Variants in TRAK1 observed in about 807,000 individuals in gnomAD.
TRAK1 encodes trafficking kinesin protein 1.
A neutral mutation model predicts 92.1 loss-of-function variants in TRAK1; 33 were observed. The observed-to-expected ratio is 0.36, with a 90% CI of 0.27 to 0.48. The LOEUF is 0.48. Among genes scored for constraint, TRAK1 ranks in the 20% least tolerant of loss-of-function variants. TRAK1 has a pLI of 0.99. For synonymous variants in TRAK1, 521 were observed against 517.3 expected, an observed-to-expected ratio of 1.01 and a Z score of -0.10; for missense variants, 1,123 against 1,257.9, an observed-to-expected ratio of 0.89 and a Z score of 1.62.
intron 2 of TRAK1, among the ~76,000 whole-genome samples, chr3:42,155,776 G>A (rs1350786815): frequency 2.0e-5 from 3 of 152,280 alleles, no homozygotes; most frequent in African/African-American, 4.8e-5. Context: ...TAGTGTGACT[G>A]GTTTTTAAAC....
At chr3:42,183,811 A>G (rs990073666) in intron 3 of TRAK1, among the ~76,000 whole-genome samples, 4 of 152,154 alleles carry the variant, frequency 2.6e-5, no homozygotes, top group African/African-American at 9.7e-5. Flanking sequence ...CCAAAACCCA[A>G]GTTGAATCTG....
intron 1 of TRAK1, among the ~76,000 whole-genome samples, chr3:42,021,812 A>G (rs560845695): frequency 1.3e-5 from 2 of 152,094 alleles, no homozygotes; most frequent in African/African-American, 4.8e-5. Context: ...CTGGTCAGTT[A>G]TCCACCTGCC....
At chr3:42,040,283 CTATT>C (rs1221910465) in intron 1 of TRAK1, among the ~76,000 whole-genome samples, 4 of 152,082 alleles carry the variant, frequency 2.6e-5, no homozygotes, top group Admixed American at 6.5e-5. Flanking sequence ...AGAGTTGCTA[CTATT>C]TATTTATTAA....
chr3:42,024,786 C>T (rs1013862337), intron 1 of TRAK1, among the ~76,000 whole-genome samples: 1 of 152,170 alleles, frequency 6.6e-6, no homozygotes, highest in East Asian at 1.9e-4. Context: ...TGAAATGTGG[C>T]GTTCTTTGTC....
At chr3:42,152,801 C>T (rs1453859987) in intron 2 of TRAK1, among the ~76,000 whole-genome samples, 1 of 152,144 alleles carries the variant, frequency 6.6e-6, no homozygotes, top group African/African-American at 2.4e-5. Flanking sequence ...GTTAAAGAAA[C>T]AGCCCTCTTT....
At chr3:42,075,423 A>G (rs1016354202) in intron 1 of TRAK1, among the ~76,000 whole-genome samples, 4 of 150,954 alleles carry the variant, frequency 2.6e-5, no homozygotes, top group Admixed American at 6.6e-5. Context: ...CTCAAGTGCT[A>G]TTGTGAAGAG....
upstream of TRAK1, among the ~76,000 whole-genome samples, chr3:42,089,674 G>GCCCCC (rs765250539): frequency 1.6e-4 from 14 of 85,940 alleles, no homozygotes; most frequent in Non-Finnish European, 3.0e-4. Context: ...TGCTTTTTGT[G>GCCCCC]ACCCCCCCCC....
At chr3:42,210,309 G>C in intron 14 of TRAK1, 1 of 1,509,882 alleles carries the variant, frequency 6.6e-7, no homozygotes. Flanking sequence ...AGAGTCTGAT[G>C]CCTCCTATTT....
intron 2 of TRAK1, among the ~76,000 whole-genome samples, chr3:42,175,952 C>T (rs554972218): frequency 6.6e-6 from 1 of 152,304 alleles, no homozygotes; most frequent in South Asian, 2.1e-4. Context: ...ATTCACTCCT[C>T]CCCCAATAGA....
In TRAK1 at chr3:42,200,918, TCCTCGG is replaced by T. The variant is rs1559375532; in HGVS notation, c.1294_1299del (p.Ser432_Ala433del). The T allele has an allele frequency of 6.2e-7, 1 of 1,614,130 alleles. No individual in the cohort carries two copies. ...CATGAACATCCCCGGCTCCAACCAG[TCCTCGG>T]CCATGAACTCCCTCCTGTCCAGCTG... On this transcript the variant is annotated inframe_deletion, in exon 12 of 16. Coordinates refer to ENST00000327628, the MANE Select transcript of TRAK1 (RefSeq NM_001042646.3).
chr3:42,050,309 G>A (rs1041430310), intron 1 of TRAK1, among the ~76,000 whole-genome samples: 1 of 152,192 alleles, frequency 6.6e-6, no homozygotes, highest in African/African-American at 2.4e-5. Context: ...TCTCTGATCA[G>A]TTTCTGCTGC....
chr3:42,217,930 T>G, intron 14 of TRAK1: 1 of 985,328 alleles, frequency 1.0e-6, no homozygotes, highest in Non-Finnish European at 1.2e-6. Flanking sequence ...TGAGAAAGAT[T>G]CATAAAGGCT....
intron 2 of TRAK1, chr3:42,149,091 A>C (rs1212722659): frequency 4.2e-6 from 3 of 710,426 alleles, no homozygotes; most frequent in Non-Finnish European, 5.2e-6. Context: ...ATCATTTTTC[A>C]GAGCCGGCCA....
chr3:42,202,824 A>C lies in TRAK1; in HGVS notation c.1744+72A>C. 1 of 1,588,852 alleles carries C rather than the reference A, an allele frequency of 6.3e-7. No individual in the cohort carries two copies. Among genetic ancestry groups the C allele is most frequent in the South Asian group, 1.1e-5 (1 of 89,676 alleles). On this transcript the variant is annotated intron_variant, in intron 13 of 15. Transcript: ENST00000327628. The surrounding 1 kb of genome is among the most constrained non-coding windows in gnomAD (Gnocchi z 6.1). ...CCTTTGGTCCCTGATCCACCTGCGG[A>C]AGGCGGGGCACCTCTGTCACGCCTA...
At chr3:42,051,036 T>C (rs1316518039) in intron 1 of TRAK1, 1 of 152,246 alleles carries the variant, frequency 6.6e-6, no homozygotes, top group African/African-American at 2.4e-5. Context: ...AAATTTTAAA[T>C]TTTATTATTT....
intron 2 of TRAK1, among the ~76,000 whole-genome samples, chr3:42,144,754 T>G (rs979662930): frequency 1.3e-5 from 2 of 152,230 alleles, no homozygotes; most frequent in African/African-American, 4.8e-5. Context: ...ATTGTATTAT[T>G]TCATTAAAAT....
chr3:42,204,278 C>G (rs1708068678), intron 13 of TRAK1: 2 of 977,746 alleles, frequency 2.0e-6, no homozygotes, highest in African/African-American at 1.8e-5. Context: ...CTATATTTGA[C>G]TCTGTGTTTC....
chr3:42,095,421 A>G (rs973542932), intron 1 of TRAK1, among the ~76,000 whole-genome samples: 1 of 152,194 alleles, frequency 6.6e-6, no homozygotes, highest in Admixed American at 6.5e-5. Flanking sequence ...TTACTGTTAA[A>G]TGGGGTTTTA....
intron 1 of TRAK1, among the ~76,000 whole-genome samples, chr3:42,048,361 C>G (rs566679711): frequency 6.6e-6 from 1 of 152,230 alleles, no homozygotes; most frequent in East Asian, 1.9e-4. Flanking sequence ...GCATGGCTCT[C>G]AGTTCAATGT....
Sources: gnomAD v4.1 joint callset for allele counts (sites outside exome capture counted in the v4.1 genomes callset) on GRCh38, gnomAD v4.1.1 for gene constraint, Gnocchi (gnomAD v3.1) non-coding constraint, MANE v1.5 for transcripts, NCBI Gene and HGNC (gene_info 2026-07-23, HGNC 2026-07-21) for gene names.